NLRC5: variants seen among roughly 807,000 people sequenced by gnomAD.
The protein encoded by NLRC5 is protein NLRC5.
NLRC5 carries 114 observed loss-of-function variants against 206.9 expected under a neutral mutation model. That is an observed-to-expected ratio of 0.55 (90% CI 0.47 to 0.64). NLRC5 has a LOEUF of 0.64. Ranked by LOEUF, NLRC5 falls within the 30% of genes least tolerant of loss-of-function variation. The pLI is 0.00. For synonymous variants in NLRC5, 952 were observed against 962.8 expected, an observed-to-expected ratio of 0.99 and a Z score of 0.21; for missense variants, 2,008 against 2,305.5, an observed-to-expected ratio of 0.87 and a Z score of 2.64.
At chr16:57,077,403 A>C (rs543402657) in intron 41 of NLRC5, 24 bp downstream of exon 41, 29 of 1,599,976 alleles carry the variant, frequency 1.8e-5, no homozygotes, top group Non-Finnish European at 2.4e-5. Context: ...CCTACAGAGG[A>C]GGGCCACAGG....
At position 57,026,275 on chromosome 16, in the gene NLRC5, C is replaced by T. The variant is rs764453977; in HGVS notation, c.1332C>T (p.Leu444=). 33 of 1,613,914 alleles carry T rather than the reference C, an allele frequency of 2.0e-5. No individual in the cohort carries two copies. Among genetic ancestry groups the T allele is most frequent in the African/African-American group, 2.7e-5 (2 of 74,956 alleles). ...NMTQLYMQMV[L]ALSPPGHLPT... ...CTCAGCTCTATATGCAGATGGTGCT[C>T]GCCCTCAGCCCCCCTGGGCACTTGC... The change falls in exon 6 of 49, where the codon CTC becomes CTT. Residue 444 remains leucine (L), a synonymous_variant. Coordinates refer to ENST00000688547, the MANE Select transcript of NLRC5 (RefSeq NM_001384950.1).
Position 57,025,714 on chromosome 16 carries a change from C to T in NLRC5, c.771C>T (p.Phe257=). The change falls in exon 6 of 49, where the codon TTC becomes TTT. Residue 257 remains phenylalanine, a synonymous_variant. Coordinates refer to ENST00000688547, the MANE Select transcript of NLRC5 (RefSeq NM_001384950.1). ...EGHLNCFQAL[F]LFEFRQLNLI... is the part of the protein sequence containing the mutation. ...ATCTGAACTGTTTCCAGGCCCTGTTCCTTTTTGAATTCCGCCAGCTCAACT... is the reference window on the plus strand; with the variant it reads ...ATCTGAACTGTTTCCAGGCCCTGTTTCTTTTTGAATTCCGCCAGCTCAACT... 6.2e-7 allele frequency: 1 copy of T among 1,614,230 alleles called. No individual in the cohort carries two copies. Among genetic ancestry groups the T allele is most frequent in the Non-Finnish European group, 8.5e-7 (1 of 1,180,030 alleles).
intron 22 of NLRC5, among the ~76,000 whole-genome samples, chr16:57,046,945 ACACC>A (rs1208394612): frequency 9.2e-5 from 14 of 152,198 alleles, no homozygotes; most frequent in African/African-American, 3.1e-4. Context: ...GCTCTGGGGG[ACACC>A]CACTTTCCAG....
chr16:57,022,601 C>T (rs759261741), intron 4 of NLRC5, among the ~76,000 whole-genome samples: 8 of 152,176 alleles, frequency 5.3e-5, no homozygotes, highest in Non-Finnish European at 1.0e-4. Flanking sequence ...CTTTCCTGCC[C>T]GCAACCCGCA....
At chr16:57,058,710 C>A (rs1331658426) in intron 28 of NLRC5, among the ~76,000 whole-genome samples, 3 of 152,202 alleles carry the variant, frequency 2.0e-5, no homozygotes, top group Non-Finnish European at 4.4e-5. Context: ...GCCAGCCTGG[C>A]CTTGCCAGTG....
chr16:57,009,181 C>T (rs1478411227), intron 1 of NLRC5, among the ~76,000 whole-genome samples: 1 of 151,826 alleles, frequency 6.6e-6, no homozygotes, highest in Non-Finnish European at 1.5e-5. Flanking sequence ...GTCCCAGCTA[C>T]TTAGGAGGCT....
chr16:57,039,971 C>A, intron 16 of NLRC5, 122 bp downstream of exon 16: 3 of 882,236 alleles, frequency 3.4e-6, no homozygotes, highest in Non-Finnish European at 5.4e-6. Flanking sequence ...CACGGAAGAG[C>A]GGGAAGTGAG....
intron 1 of NLRC5, among the ~76,000 whole-genome samples, chr16:57,011,653 A>G (rs1302804362): frequency 3.3e-5 from 5 of 151,566 alleles, no homozygotes; most frequent in African/African-American, 1.2e-4. Context: ...ACTCAGGAGT[A>G]GGAGGCTGCA....
At chr16:57,059,412 C>G (rs2066118642) in intron 29 of NLRC5, 55 bp from the exon 30 acceptor site, 1 of 1,562,698 alleles carries the variant, frequency 6.4e-7, no homozygotes, top group African/African-American at 1.4e-5. Context: ...GCCCTAGGTG[C>G]CTAGGAAGCT....
intron 23 of NLRC5, among the ~76,000 whole-genome samples, chr16:57,050,331 T>C (rs1225026293): frequency 6.6e-6 from 1 of 152,208 alleles, no homozygotes. Flanking sequence ...AACATGAGGC[T>C]GCTCCTCCCG....
chr16:57,010,435 C>T (rs938366899), intron 1 of NLRC5, among the ~76,000 whole-genome samples: 5 of 152,094 alleles, frequency 3.3e-5, no homozygotes, highest in East Asian at 3.8e-4. Flanking sequence ...AGTGGGGTGG[C>T]GAGATCATAG....
chr16:57,020,859 C>G lies in NLRC5; in HGVS notation c.147C>G (p.Asp49Glu), dbSNP rs1207033180. The G allele has an allele frequency of 6.2e-7, 1 of 1,613,682 alleles. No individual in the cohort carries two copies. Among genetic ancestry groups the G allele is most frequent in the Non-Finnish European group, 8.5e-7 (1 of 1,179,992 alleles). Residue 49 changes from aspartate to glutamate, a missense_variant, in exon 3 of 49, where the codon GAC becomes GAG. Asp to Glu is a conservative substitution (Grantham distance 45). Transcript: ENST00000688547. Reference protein sequence around the residue: ...TDLDSRNETLDPEQRVILQLN... With the variant: ...TDLDSRNETLEPEQRVILQLN... ...TGGATTCCAGGAACGAGACCTTGGA[C>G]CCTGAACAGAGAGTCATCCTGCAAC...
At chr16:57,020,491 C>A in intron 2 of NLRC5, among the ~76,000 whole-genome samples, 1 of 94,180 alleles carries the variant, frequency 1.1e-5, no homozygotes, top group South Asian at 5.7e-4. Flanking sequence ...CAGCTCACCT[C>A]CCCCTCAGCT....
At chr16:57,060,304 C>T (rs1382783484) in intron 30 of NLRC5, among the ~76,000 whole-genome samples, 1 of 151,834 alleles carries the variant, frequency 6.6e-6, no homozygotes, top group Non-Finnish European at 1.5e-5. Context: ...CTAGCATCTT[C>T]TCCCTCACAG....
In NLRC5 at chr16:57,020,742, C is replaced by A. The variant is rs2060589166; in HGVS notation, c.30C>A (p.Asn10Lys). Residue 10 changes from asparagine to lysine, a missense_variant, in exon 3 of 49, where the codon AAC (asparagine) becomes AAA (lysine). By Grantham distance (94) the Asn-to-Lys change is moderately conservative (BLOSUM62 0). Transcript: ENST00000688547. MDPVGLQLG[N>K]KNLWSCLVRL... ...ACCCCGTTGGCCTCCAGCTCGGCAA[C>A]AAGAACCTGTGGAGCTGTCTTGTGA... 6.2e-7 allele frequency: 1 copy of A among 1,611,956 alleles called. No individual in the cohort carries two copies. The highest frequency in any genetic ancestry group is 1.3e-5 in the African/African-American group (1 of 74,160).
At chr16:57,020,618 C>A in intron 2 of NLRC5, 83 bp from the exon 3 acceptor site, 1 of 353,526 alleles carries the variant, frequency 2.8e-6, no homozygotes, top group Non-Finnish European at 4.2e-6. Flanking sequence ...AGCTCAACTC[C>A]CCCCAAGTTC....
chr16:57,008,607 CTAA>C (rs1383757107), intron 1 of NLRC5, among the ~76,000 whole-genome samples: 2 of 152,128 alleles, frequency 1.3e-5, no homozygotes, highest in African/African-American at 2.4e-5. Flanking sequence ...TGCACAAAAA[CTAA>C]TAAGAAAGCC....
chr16:57,020,439 A>G (rs1168826822), intron 2 of NLRC5, among the ~76,000 whole-genome samples: 4 of 74,836 alleles, frequency 5.3e-5, no homozygotes, highest in African/African-American at 2.3e-4. Flanking sequence ...CCCCTAGCTC[A>G]CCTGTGCCCC....
chr16:57,037,439 G>A (rs1043269148), intron 15 of NLRC5, among the ~76,000 whole-genome samples, 155 bp downstream of exon 15: 1 of 152,112 alleles, frequency 6.6e-6, no homozygotes, highest in African/African-American at 2.4e-5. Flanking sequence ...CCTCTTCCTA[G>A]CTGCTGTGGA....
Sources: gnomAD v4.1 joint callset for allele counts (sites outside exome capture counted in the v4.1 genomes callset) on GRCh38, gnomAD v4.1.1 for gene constraint, MANE v1.5 for transcripts, NCBI Gene and HGNC (gene_info 2026-07-23, HGNC 2026-07-21) for gene names.